The following BMPER variants were observed in gnomAD, a reference collection of about 807,000 sequenced individuals.
BMPER encodes the protein BMP binding endothelial regulator, also known as BMP-binding endothelial regulator protein.
In BMPER, 45 loss-of-function variants were observed where a neutral mutation model predicts 87.3. That is an observed-to-expected ratio of 0.52 (90% CI 0.41 to 0.66). The LOEUF is 0.66. BMPER is among the 30% of genes least tolerant of loss of function. BMPER has a pLI of 0.00. For missense variants in BMPER, 784 were observed against 867.5 expected (o/e 0.90, Z 1.21); for synonymous variants, 326 against 316.2 (o/e 1.03, Z -0.33).
At chr7:34,049,487 G>C (rs748875109) in intron 7 of BMPER, among the ~76,000 whole-genome samples, 7 of 152,086 alleles carry the variant, frequency 4.6e-5, no homozygotes, top group Admixed American at 2.6e-4. Context: ...AATATTGCCC[G>C]CTATAATGGT....
In BMPER at chr7:33,974,620, G is replaced by T. The variant is rs557143361; in HGVS notation, c.494-82G>T. On this transcript the variant is annotated intron_variant, in intron 5 of 14. Coordinates refer to ENST00000649409, the MANE Select transcript of BMPER (RefSeq NM_001365308.1). Reference sequence around the variant, plus strand: ...CTCAGCTGTGTGGAGGTGGGCAACGGATGAACTGTGGATAGAAGGATTGTG... The same window carrying T: ...CTCAGCTGTGTGGAGGTGGGCAACGTATGAACTGTGGATAGAAGGATTGTG... The T allele has an allele frequency of 2.9e-6, 4 of 1,386,884 alleles. No homozygotes were observed. The Admixed American group carries it at 5.0e-5, about 17-fold the overall frequency. The allele number at this position is 1,386,884 out of a possible 1,614,324, so 85.9% of individuals were successfully genotyped here.
At chr7:34,106,102 A>G (rs1027070662) in intron 13 of BMPER, among the ~76,000 whole-genome samples, 2 of 152,102 alleles carry the variant, frequency 1.3e-5, no homozygotes, top group African/African-American at 4.8e-5. Flanking sequence ...GTGTAGCTCT[A>G]CTGGGGGCAC....
Position 34,128,147 on chromosome 7 carries a change from A to G in BMPER, c.1746-15083A>G, listed in dbSNP as rs74516717. ...CCAAATGGAATGTATGCCGATTCAA[A>G]CAAATGTATGTCTAAAGTATACATT... On this transcript the variant is annotated intron_variant, in intron 13 of 14. Coordinates refer to ENST00000649409, the MANE Select transcript of BMPER (RefSeq NM_001365308.1). Among the ~76,000 whole-genome samples the G allele has an allele frequency of 4.8e-3, 733 of 152,310 alleles. 6 individuals are homozygous for G. Among genetic ancestry groups the G allele is most frequent in the African/African-American group, 0.016 (654 of 41,566 alleles).
At chr7:33,982,901 G>A (rs1481166409) in intron 6 of BMPER, among the ~76,000 whole-genome samples, 1 of 152,148 alleles carries the variant, frequency 6.6e-6, no homozygotes, top group Non-Finnish European at 1.5e-5. Context: ...GTGGGATGAG[G>A]TTTTAGAGGA....
intron 14 of BMPER, among the ~76,000 whole-genome samples, chr7:34,149,976 T>A (rs547729844): frequency 1.3e-4 from 20 of 152,260 alleles, no homozygotes; most frequent in African/African-American, 4.6e-4. Flanking sequence ...GGGAGAAGAT[T>A]AATTTGCTAT....
intron 6 of BMPER, among the ~76,000 whole-genome samples, chr7:33,985,133 A>T (rs1785968398): frequency 6.6e-6 from 1 of 152,246 alleles, no homozygotes; most frequent in Non-Finnish European, 1.5e-5. Flanking sequence ...CTTGTGCCAC[A>T]TATAAAGCAT....
At chr7:34,107,508 C>T (rs1406833271) in intron 13 of BMPER, among the ~76,000 whole-genome samples, 1 of 152,176 alleles carries the variant, frequency 6.6e-6, no homozygotes, top group Non-Finnish European at 1.5e-5. Context: ...GGAACAAAGG[C>T]AACTGGCTAA....
intron 11 of BMPER, among the ~76,000 whole-genome samples, chr7:34,063,609 T>C (rs1468264109): frequency 6.6e-6 from 1 of 152,124 alleles, no homozygotes; most frequent in African/African-American, 2.4e-5. Context: ...AAGTACGACT[T>C]AGTAGAGAAT....
At chr7:34,118,976 T>C (rs972920196) in intron 13 of BMPER, among the ~76,000 whole-genome samples, 1 of 142,742 alleles carries the variant, frequency 7.0e-6, no homozygotes, top group Non-Finnish European at 1.5e-5. Flanking sequence ...CCTTAAAATC[T>C]CTCTCTCTCT....
intron 12 of BMPER, among the ~76,000 whole-genome samples, chr7:34,079,647 A>G (rs1788960851): frequency 6.6e-6 from 1 of 152,218 alleles, no homozygotes. Flanking sequence ...AAGTCTTTGC[A>G]GCGGAGTCCT....
chr7:33,943,683 C>T (rs1449833874), intron 3 of BMPER, among the ~76,000 whole-genome samples: 2 of 152,178 alleles, frequency 1.3e-5, no homozygotes, highest in Admixed American at 6.6e-5. Context: ...TTTTTAAGCC[C>T]TTTCTCCGTA....
Position 33,906,972 on chromosome 7 carries a change from T to A in BMPER, c.219+69T>A, listed in dbSNP as rs142479053. The A allele has an allele frequency of 2.3e-4, 307 of 1,363,244 alleles. No individual in the cohort carries two copies. The African/African-American group carries it at 4.1e-3, about 18-fold the overall frequency. 84.4% of individuals were successfully genotyped at this position (1,363,244 alleles called of 1,614,324 possible). ...GATAAGGTGAATCCATTAAATGTGA[T>A]AATATAACCAGATCTTACAAATTGT... On this transcript the variant is annotated intron_variant, in intron 2 of 14. Coordinates refer to ENST00000649409, the MANE Select transcript of BMPER (RefSeq NM_001365308.1).
At chr7:33,952,500 G>A (rs1378771910) in intron 3 of BMPER, among the ~76,000 whole-genome samples, 1 of 152,154 alleles carries the variant, frequency 6.6e-6, no homozygotes, top group African/African-American at 2.4e-5. Context: ...GAAACTTGGG[G>A]TGCATCATCA....
At chr7:34,136,895 C>T (rs971915720) in intron 13 of BMPER, among the ~76,000 whole-genome samples, 2 of 152,152 alleles carry the variant, frequency 1.3e-5, no homozygotes, top group African/African-American at 4.8e-5. Flanking sequence ...GGAGGGTGCC[C>T]AGTGGGTAAT....
rs766403051 is a variant in BMPER, at chr7:34,082,965, C to A, written c.1409-2791C>A. On this transcript the variant is annotated intron_variant, in intron 12 of 14. Transcript: ENST00000649409. The stretch of plus-strand genomic sequence containing the variant: ...TTCTCCCCTCATTTCTCTTGCTGGG[C>A]AGCTGCCTAGCTACAGGCTTGTGAG... Among the ~76,000 whole-genome samples, 6 of 152,308 alleles carry A rather than the reference C, an allele frequency of 3.9e-5. No individual in the cohort carries two copies. In the East Asian group the frequency reaches 1.2e-3, roughly 29 times the overall value.
intron 8 of BMPER, among the ~76,000 whole-genome samples, chr7:34,052,849 G>A (rs758749862): frequency 2.0e-5 from 3 of 152,184 alleles, no homozygotes; most frequent in Non-Finnish European, 2.9e-5. Context: ...TGAACTGTCC[G>A]TTCCCTTGAA....
chr7:33,995,940 G>A (rs1006632730), intron 6 of BMPER, among the ~76,000 whole-genome samples: 7 of 152,158 alleles, frequency 4.6e-5, no homozygotes, highest in African/African-American at 1.7e-4. Context: ...ATTCCATTCA[G>A]CTCTGCTCCT....
intron 7 of BMPER, 69 bp downstream of exon 7, chr7:34,046,474 C>A: frequency 3.3e-6 from 5 of 1,497,152 alleles, no homozygotes; most frequent in Non-Finnish European, 2.8e-6. Flanking sequence ...GAGTGTTTAT[C>A]CACGTTGTTG....
chr7:33,923,894 A>T (rs985326440), intron 2 of BMPER, among the ~76,000 whole-genome samples: 10 of 152,158 alleles, frequency 6.6e-5, no homozygotes, highest in African/African-American at 2.2e-4. Flanking sequence ...CGTTTTCTCT[A>T]TTTATATTCA....
Sources: allele counts gnomAD v4.1 joint callset (sites outside exome capture counted in the v4.1 genomes callset), GRCh38; gene constraint gnomAD v4.1.1; transcripts MANE v1.5; gene names NCBI Gene and HGNC (gene_info 2026-07-23, HGNC 2026-07-21).